Variants in CDCA2 observed in about 807,000 individuals in gnomAD.
The protein encoded by CDCA2 is cell division cycle-associated protein 2.
CDCA2 carries 44 observed loss-of-function variants against 67.0 expected under a neutral mutation model. The ratio of observed to expected loss-of-function variants is 0.66; its 90% CI spans 0.52 to 0.84. The LOEUF (loss-of-function observed/expected upper bound fraction) is 0.84. Ranked by LOEUF, CDCA2 falls within the 40% of genes least tolerant of loss-of-function variation. CDCA2 has a pLI of 0.00. For missense variants in CDCA2, 1,253 were observed against 1,203.2 expected, an observed-to-expected ratio of 1.04 and a Z score of -0.61; for synonymous variants, 447 against 418.7, an observed-to-expected ratio of 1.07 and a Z score of -0.82.
rs146536215 is a variant in CDCA2 at position 25,503,995 on chromosome 8, T to C, written c.1843+451T>C. Among the ~76,000 whole-genome samples the C allele has an allele frequency of 9.2e-5, 14 of 151,888 alleles. No individual in the cohort carries two copies. The East Asian group carries it at 2.5e-3, about 27-fold the overall frequency. ...TGAGTTCAGGAGTTTGAGGCCAGCC[T>C]GGGCAACATAGCAAGACCCCATCTC... On this transcript the variant is annotated intron_variant, in intron 14 of 14. Transcript: ENST00000330560.
chr8:25,466,102 A>G (rs896013605), intron 4 of CDCA2, 73 bp from the exon 5 acceptor site: 13 of 1,406,192 alleles, frequency 9.2e-6, no homozygotes, highest in Non-Finnish European at 1.1e-5. Context: ...TTTTGGATTC[A>G]ATGGCTGTAG....
At chr8:25,499,700 C>T (rs142662700) in intron 13 of CDCA2, among the ~76,000 whole-genome samples, 117 of 152,290 alleles carry the variant, frequency 7.7e-4, no homozygotes, top group African/African-American at 2.7e-3. Flanking sequence ...TTACTTCTGC[C>T]TCCTGACCTC....
chr8:25,506,454 A>G, intron 14 of CDCA2, 56 bp from the exon 15 acceptor site: 3 of 1,422,746 alleles, frequency 2.1e-6, no homozygotes, highest in Non-Finnish European at 2.8e-6. Flanking sequence ...ATAAATGTAA[A>G]GTTCATTCCC....
chr8:25,488,939 A>G (rs1421005940), intron 13 of CDCA2, among the ~76,000 whole-genome samples: 1 of 152,136 alleles, frequency 6.6e-6, no homozygotes, highest in African/African-American at 2.4e-5. Flanking sequence ...TAGGCACTCA[A>G]ACCTGAAATT....
At chr8:25,466,079 G>A in intron 4 of CDCA2, 96 bp from the exon 5 acceptor site, 1 of 1,125,208 alleles carries the variant, frequency 8.9e-7, no homozygotes, top group Non-Finnish European at 1.3e-6. Flanking sequence ...AAGCATATGT[G>A]TACTGTATTT....
Position 25,487,288 on chromosome 8 carries a change from C to A in CDCA2, c.1487C>A (p.Ser496Tyr). Residue 496 changes from serine to tyrosine, a missense_variant, in exon 12 of 15, where the codon TCC (serine) becomes TAC (tyrosine). Coordinates refer to ENST00000330560, the MANE Select transcript of CDCA2 (RefSeq NM_152562.4). ...TCTTCAAATAACCATGAGAAAATAT[C>A]CTCTCCTAAAGTTGGTAGAATAACA... is the stretch of plus-strand genomic sequence containing the variant. ...FSSSNNHEKI[S>Y]SPKVGRITRT... is the part of the protein sequence containing the mutation. 1 of 1,610,866 alleles carries A rather than the reference C, an allele frequency of 6.2e-7. No homozygotes were observed. Among genetic ancestry groups the A allele is most frequent in the Non-Finnish European group, 8.5e-7 (1 of 1,177,452 alleles).
chr8:25,464,770 T>C (rs1461540662), intron 4 of CDCA2, among the ~76,000 whole-genome samples: 5 of 152,208 alleles, frequency 3.3e-5, no homozygotes, highest in Non-Finnish European at 5.9e-5. Flanking sequence ...TGTCGTTCTG[T>C]TAGATGAATT....
chr8:25,468,479 C>G, intron 6 of CDCA2, 66 bp downstream of exon 6: 1 of 1,304,182 alleles, frequency 7.7e-7, no homozygotes, highest in Non-Finnish European at 1.1e-6. Flanking sequence ...AGTTTTAAGG[C>G]TGTCAGTGCC....
chr8:25,469,014 G>A (rs1248235036), intron 6 of CDCA2, among the ~76,000 whole-genome samples: 1 of 152,228 alleles, frequency 6.6e-6, no homozygotes, highest in Non-Finnish European at 1.5e-5. Flanking sequence ...GGCGATATTA[G>A]AAAAATAATA....
chr8:25,462,058 G>A lies in CDCA2; in HGVS notation c.237G>A (p.Lys79=). ...PESFVRNSAG[K]SSSYLKKCRR... is the part of the protein sequence containing the mutation. ...TATAAGAGAGTTTCATTACAGGAAA[G>A]TCATCATCCTACCTTAAAAAATGTA... is the stretch of plus-strand genomic sequence containing the variant. The change falls in exon 4 of 15, where the codon AAG becomes AAA. Residue 79 remains lysine (K), a synonymous_variant. Transcript: ENST00000330560. The A allele has an allele frequency of 6.2e-7, 1 of 1,613,388 alleles. No homozygotes were observed. Among genetic ancestry groups the A allele is most frequent in the Non-Finnish European group, 8.5e-7 (1 of 1,179,406 alleles).
chr8:25,470,766 C>CT (rs34735007), intron 7 of CDCA2, among the ~76,000 whole-genome samples: 59,090 of 145,272 alleles, frequency 0.41, 12,025 homozygotes, highest in African/African-American at 0.52. Flanking sequence ...CTTTGTTTTT[C>CT]TTTTTTTTTT....
chr8:25,460,674 C>T, intron 3 of CDCA2, 120 bp downstream of exon 3: 1 of 1,013,888 alleles, frequency 9.9e-7, no homozygotes, highest in Non-Finnish European at 1.4e-6. Flanking sequence ...GCCTACTCTG[C>T]AAACTTGCTT....
chr8:25,487,352 G>T lies in CDCA2; in HGVS notation c.1533+18G>T. On this transcript the variant is annotated intron_variant, in intron 12 of 14. Transcript: ENST00000330560. ...GAAGAAATGTAAGTGTTTGTGTTTG[G>T]CACAACGTATTTGTTTTTAAATCGT... The T allele has an allele frequency of 6.7e-7, 1 of 1,484,558 alleles. No individual in the cohort carries two copies. Among genetic ancestry groups the T allele is most frequent in the Non-Finnish European group, 9.4e-7 (1 of 1,068,638 alleles). The allele number at this position is 1,484,558 out of a possible 1,614,324, so 92.0% of individuals were successfully genotyped here. A position where few individuals can be genotyped will look rare whatever the true frequency, so the allele number is the denominator to read the frequency against.
chr8:25,464,224 G>A (rs1466739184), intron 4 of CDCA2, among the ~76,000 whole-genome samples: 2 of 152,060 alleles, frequency 1.3e-5, no homozygotes, highest in East Asian at 3.8e-4. Flanking sequence ...GACCAGCCTG[G>A]GCAACATGAC....
intron 13 of CDCA2, among the ~76,000 whole-genome samples, chr8:25,502,255 A>C (rs1351904763): frequency 1.3e-5 from 2 of 152,260 alleles, no homozygotes; most frequent in South Asian, 2.1e-4. Flanking sequence ...CAACATTGTC[A>C]CATTGAATAT....
intron 7 of CDCA2, among the ~76,000 whole-genome samples, chr8:25,476,006 A>C (rs955213038): frequency 2.0e-5 from 3 of 152,176 alleles, no homozygotes; most frequent in African/African-American, 7.2e-5. Flanking sequence ...GTCCAGGGGA[A>C]TTCTCTGTGT....
chr8:25,473,187 C>T (rs1056365408), intron 7 of CDCA2, among the ~76,000 whole-genome samples: 3 of 152,130 alleles, frequency 2.0e-5, no homozygotes, highest in Admixed American at 1.3e-4. Flanking sequence ...TGAGAGTCTC[C>T]TCGCTTTTAG....
At chr8:25,478,821 A>G (rs1397924071) in intron 7 of CDCA2, among the ~76,000 whole-genome samples, 1 of 151,040 alleles carries the variant, frequency 6.6e-6, no homozygotes, top group Non-Finnish European at 1.5e-5. Context: ...CCAGCTTATC[A>G]TACTGTATTC....
intron 13 of CDCA2, among the ~76,000 whole-genome samples, chr8:25,496,575 A>T (rs568176028): frequency 6.6e-6 from 1 of 152,318 alleles, no homozygotes; most frequent in Admixed American, 6.5e-5. Flanking sequence ...GCCAAAATGT[A>T]TAAGAAACTC....
Sources: gnomAD v4.1 joint callset for allele counts (sites outside exome capture counted in the v4.1 genomes callset) on GRCh38, gnomAD v4.1.1 for gene constraint, MANE v1.5 for transcripts, NCBI Gene and HGNC (gene_info 2026-07-23, HGNC 2026-07-21) for gene names.